RSBN1L: variants seen among roughly 807,000 people sequenced by gnomAD.
RSBN1L encodes the protein round spermatid basic protein 1 like, also known as lysine-specific demethylase RSBN1L.
RSBN1L carries 30 observed loss-of-function variants against 67.7 expected under a neutral mutation model. The observed-to-expected ratio is 0.44, with a 90% CI of 0.33 to 0.60. RSBN1L has a LOEUF of 0.60. RSBN1L is among the 20% of genes least tolerant of loss of function. RSBN1L has a pLI of 0.02. For synonymous variants in RSBN1L, 433 were observed against 387.0 expected (o/e 1.12, Z -1.39); for missense variants, 992 against 1,031.7 (o/e 0.96, Z 0.53).
rs1298928530 is a variant in RSBN1L, at chr7:77,701,853, A to G, written c.586+4798A>G. Among the ~76,000 whole-genome samples, 3 of 151,702 alleles carry G rather than the reference A, an allele frequency of 2.0e-5. No homozygotes were observed. In the East Asian group the frequency reaches 5.8e-4, roughly 30 times the overall value. ...TTTTTAGTAGAGATGGGGTTCCTCC[A>G]TGTTGGCCGGGATGGTCTGGAACTC... On this transcript the variant is annotated intron_variant, in intron 1 of 7. Coordinates refer to ENST00000334955, the MANE Select transcript of RSBN1L (RefSeq NM_198467.3).
intron 3 of RSBN1L, among the ~76,000 whole-genome samples, chr7:77,750,662 G>C (rs1217943855): frequency 1.3e-5 from 2 of 152,072 alleles, no homozygotes; most frequent in African/African-American, 4.8e-5. Context: ...CATCAGTGTG[G>C]GCCCATCTGA....
rs923913999 is a variant in RSBN1L at position 77,780,430 on chromosome 7, C to T, written c.*1262C>T. On this transcript the variant is annotated 3_prime_UTR_variant, in exon 8 of 8. Coordinates refer to ENST00000334955, the MANE Select transcript of RSBN1L (RefSeq NM_198467.3). ...TAGTTACGTGGCCAGATTACATAGCCTACCATAGATTTTTTTTATTGTGTA... is the reference window on the plus strand; with the variant it reads ...TAGTTACGTGGCCAGATTACATAGCTTACCATAGATTTTTTTTATTGTGTA... 6.6e-6 allele frequency: 1 copy of T among 152,032 alleles called. No homozygotes were observed. Among genetic ancestry groups the T allele is most frequent in the African/African-American group, 2.4e-5 (1 of 41,386 alleles). 9.4% of individuals were successfully genotyped at this position (152,032 alleles called of 1,614,324 possible).
At chr7:77,769,418 A>G (rs1791815886) in intron 5 of RSBN1L, among the ~76,000 whole-genome samples, 1 of 152,222 alleles carries the variant, frequency 6.6e-6, no homozygotes, top group Admixed American at 6.5e-5. Flanking sequence ...AGATGTATTT[A>G]ATGAATAATG....
intron 5 of RSBN1L, 41 bp from the exon 6 acceptor site, chr7:77,773,102 TTAAG>T (rs776050655): frequency 3.3e-5 from 35 of 1,065,048 alleles, no homozygotes; most frequent in Middle Eastern, 2.1e-4. Flanking sequence ...TTGATAGCAA[TTAAG>T]TGTCACTATA....
intron 1 of RSBN1L, among the ~76,000 whole-genome samples, chr7:77,705,051 A>G (rs917366542): frequency 1.3e-5 from 2 of 152,010 alleles, no homozygotes; most frequent in African/African-American, 2.4e-5. Context: ...ACCCCAAACT[A>G]TCATTAATTG....
intron 1 of RSBN1L, among the ~76,000 whole-genome samples, chr7:77,716,961 CT>C (rs150026745): frequency 0.015 from 1,859 of 124,568 alleles, 14 homozygotes; most frequent in Middle Eastern, 0.056. Flanking sequence ...TTCTTACATT[CT>C]TTTTTTTTTT....
chr7:77,706,477 CT>C (rs1275578154), intron 1 of RSBN1L, among the ~76,000 whole-genome samples: 3 of 152,152 alleles, frequency 2.0e-5, no homozygotes, highest in Non-Finnish European at 2.9e-5. Context: ...TCCCAAAGTG[CT>C]GAGATTACAG....
At chr7:77,738,096 T>A (rs1462298282) in intron 2 of RSBN1L, among the ~76,000 whole-genome samples, 1 of 152,128 alleles carries the variant, frequency 6.6e-6, no homozygotes, top group East Asian at 1.9e-4. Context: ...GCCATTTTTT[T>A]TTCTGATTTA....
intron 1 of RSBN1L, among the ~76,000 whole-genome samples, chr7:77,699,389 G>T (rs889040780): frequency 9.9e-5 from 15 of 152,050 alleles, no homozygotes; most frequent in Non-Finnish European, 1.5e-4. Flanking sequence ...TTAATAGTAG[G>T]GCTTTTAAAA....
chr7:77,713,765 C>G (rs1480139560), intron 1 of RSBN1L, among the ~76,000 whole-genome samples: 1 of 152,016 alleles, frequency 6.6e-6, no homozygotes, highest in African/African-American at 2.4e-5. Context: ...GGCCTCCTCC[C>G]TGTGTTGGAG....
At chr7:77,707,661 C>T (rs1042739979) in intron 1 of RSBN1L, among the ~76,000 whole-genome samples, 3 of 152,156 alleles carry the variant, frequency 2.0e-5, no homozygotes, top group African/African-American at 7.2e-5. Flanking sequence ...TTCACTATTA[C>T]TCAATTTTCT....
At chr7:77,713,837 T>C (rs999657053) in intron 1 of RSBN1L, among the ~76,000 whole-genome samples, 15 of 152,184 alleles carry the variant, frequency 9.9e-5, no homozygotes, top group African/African-American at 3.4e-4. Context: ...AAGTTATTTC[T>C]ACCTTTAGTT....
intron 2 of RSBN1L, among the ~76,000 whole-genome samples, chr7:77,742,936 T>C (rs1196115396): frequency 6.6e-6 from 1 of 152,212 alleles, no homozygotes; most frequent in Non-Finnish European, 1.5e-5. Flanking sequence ...AAATAAGAGT[T>C]CCTAGATGCT....
At chr7:77,745,081 G>A (rs1318637772) in intron 2 of RSBN1L, among the ~76,000 whole-genome samples, 1 of 152,052 alleles carries the variant, frequency 6.6e-6, no homozygotes, top group Non-Finnish European at 1.5e-5. Flanking sequence ...GAACAACATG[G>A]TGAAACCCTG....
chr7:77,782,295 A>G lies in RSBN1L; in HGVS notation c.*3127A>G, dbSNP rs1259733944. ...AAAATACATAAGACATCGTTTCTAT[A>G]TGGTCATATACTATATAGAATAAAG... On this transcript the variant is annotated 3_prime_UTR_variant, in exon 8 of 8. Transcript: ENST00000334955. 1.3e-5 allele frequency: 2 copies of G among 152,172 alleles called. No homozygotes were observed. The highest frequency in any genetic ancestry group is 1.3e-4 in the Admixed American group (2 of 15,272). The allele number at this position is 152,172 out of a possible 1,614,324, so 9.4% of individuals were successfully genotyped here.
intron 1 of RSBN1L, among the ~76,000 whole-genome samples, chr7:77,719,062 C>G (rs1341332585): frequency 6.6e-6 from 1 of 152,162 alleles, no homozygotes; most frequent in African/African-American, 2.4e-5. Flanking sequence ...CTCCAAGAGT[C>G]TTGACACCCA....
intron 2 of RSBN1L, among the ~76,000 whole-genome samples, chr7:77,739,944 G>A (rs1194316395): frequency 1.3e-5 from 2 of 150,640 alleles, no homozygotes; most frequent in African/African-American, 4.9e-5. Flanking sequence ...TAGAGACAGG[G>A]TTTCACCATG....
rs1486560711 is a variant in RSBN1L at position 77,697,061 on chromosome 7, TGCCGTGCGGGGAGGGGGAGGGGAGGGC to T, written c.586+13_586+39del. 4 of 1,432,946 alleles carry T rather than the reference TGCCGTGCGGGGAGGGGGAGGGGAGGGC, an allele frequency of 2.8e-6. No homozygotes were observed. The South Asian group carries it at 4.2e-5, about 15-fold the overall frequency. 88.8% of individuals were successfully genotyped at this position (1,432,946 alleles called of 1,614,324 possible). A position where few individuals can be genotyped will look rare whatever the true frequency, so the allele number is the denominator to read the frequency against. On this transcript the variant is annotated splice_region_variant and intron_variant, in intron 1 of 7. Coordinates refer to ENST00000334955, the MANE Select transcript of RSBN1L (RefSeq NM_198467.3). ...GGTGAAGCCGCTGCCCCGAGGTGGG[TGCCGTGCGGGGAGGGGGAGGGGAGGGC>T]GCCGTGGGTCCCCGCCGCCCCCTGG...
chr7:77,748,894 CCCGT>C (rs1227729709), intron 2 of RSBN1L, among the ~76,000 whole-genome samples: 1 of 102,792 alleles, frequency 9.7e-6, no homozygotes, highest in Non-Finnish European at 1.9e-5. Flanking sequence ...TTGCTCTATG[CCCGT>C]CTGTCTGTCT....
Sources: gnomAD v4.1 joint callset for allele counts (sites outside exome capture counted in the v4.1 genomes callset) on GRCh38, gnomAD v4.1.1 for gene constraint, MANE v1.5 for transcripts, NCBI Gene and HGNC (gene_info 2026-07-23, HGNC 2026-07-21) for gene names.